EFR3B: variants seen among roughly 807,000 people sequenced by gnomAD.
EFR3B encodes EFR3 homolog B.
In EFR3B, 64 loss-of-function variants were observed where a neutral mutation model predicts 104.7. That is an observed-to-expected ratio of 0.61 (90% CI 0.50 to 0.75). EFR3B has a LOEUF of 0.75. EFR3B is among the 30% of genes least tolerant of loss of function. The pLI, the probability that EFR3B is intolerant of heterozygous loss-of-function variation, is 0.00. For synonymous variants in EFR3B, 385 were observed against 417.9 expected (o/e 0.92, Z 0.96); for missense variants, 750 against 1,078.5 (o/e 0.70, Z 4.27).
Position 25,044,102 on chromosome 2 carries a change from A to AT in EFR3B, c.7+1786dup, listed in dbSNP as rs550141726. ...ATTTTCAGACACATCTCAGGTTTTC[A>AT]TTTCTCTTTTATAATATATTTTTAT... On this transcript the variant is annotated intron_variant, in intron 1 of 22. Coordinates refer to ENST00000403714, the MANE Select transcript of EFR3B (RefSeq NM_014971.2). Among the ~76,000 whole-genome samples, 109 of 152,252 alleles carry AT rather than the reference A, an allele frequency of 7.2e-4. 1 individual carries two copies. The highest frequency in any genetic ancestry group is 2.5e-3 in the African/African-American group (102 of 41,562).
chr2:25,061,851 G>A lies in EFR3B; in HGVS notation c.7+19532G>A, dbSNP rs113201798. Among the ~76,000 whole-genome samples, 63 of 151,950 alleles carry A rather than the reference G, an allele frequency of 4.1e-4. 1 individual carries two copies. Among genetic ancestry groups the A allele is most frequent in the African/African-American group, 1.5e-3 (62 of 41,474 alleles). ...ATGCCACACCAGGGAGCCAGCCTGT[G>A]ATTGTGGATGTACTGGCCCTGAAAG... On this transcript the variant is annotated intron_variant, in intron 1 of 22. Coordinates refer to ENST00000403714, the MANE Select transcript of EFR3B (RefSeq NM_014971.2).
rs533611175 is a variant in EFR3B at position 25,150,300 on chromosome 2, C to CAA, written c.2191+576_2191+577dup. ...GGGTGACAGAGCAAGACTCCCATCT[C>CAA]AAAAAAAAAAAAAAAAAAAGGCAAT... On this transcript the variant is annotated intron_variant, in intron 20 of 22. Transcript: ENST00000403714. 3.7e-4 allele frequency among the ~76,000 whole-genome samples: 23 copies of CAA among 62,712 alleles called. 1 individual carries two copies. Among genetic ancestry groups the CAA allele is most frequent in the Non-Finnish European group, 6.4e-4 (17 of 26,730 alleles). 41.1% of individuals were successfully genotyped at this position (62,712 alleles called of 152,430 possible).
chr2:25,157,562 C>G lies in EFR3B; in HGVS notation c.*3222C>G, dbSNP rs1444773983. 1 of 152,274 alleles carries G rather than the reference C, an allele frequency of 6.6e-6. No homozygotes were observed. Among genetic ancestry groups the G allele is most frequent in the Non-Finnish European group, 1.5e-5 (1 of 68,096 alleles). 9.4% of individuals were successfully genotyped at this position (152,274 alleles called of 1,614,324 possible). A position where few individuals can be genotyped will look rare whatever the true frequency, so the allele number is the denominator to read the frequency against. The stretch of plus-strand genomic sequence containing the variant: ...GAGTCAGTAAGCCCATTGAGACCGG[C>G]TGCTCCCAAAGCCCGAGGACTCTAG... On this transcript the variant is annotated 3_prime_UTR_variant, in exon 23 of 23. Coordinates refer to ENST00000403714, the MANE Select transcript of EFR3B (RefSeq NM_014971.2).
At chr2:25,081,025 C>A (rs1668788344) in intron 1 of EFR3B, 2 of 752,720 alleles carry the variant, frequency 2.7e-6, no homozygotes, top group South Asian at 1.4e-5. Flanking sequence ...GCAGCAACAT[C>A]TGCAATGTTG....
chr2:25,090,990 G>C (rs192185618), intron 1 of EFR3B, among the ~76,000 whole-genome samples: 1 of 152,288 alleles, frequency 6.6e-6, no homozygotes, highest in East Asian at 1.9e-4. Context: ...GGCGGGCGCA[G>C]CACCTGACCT....
intron 1 of EFR3B, among the ~76,000 whole-genome samples, chr2:25,062,993 G>A (rs1041211446): frequency 2.0e-5 from 3 of 151,848 alleles, no homozygotes; most frequent in African/African-American, 4.8e-5. Flanking sequence ...GCGCGACCTC[G>A]GCTCACTGCA....
intron 1 of EFR3B, among the ~76,000 whole-genome samples, chr2:25,090,804 TAAAGAAAGTTAGGGGCAAACGA>T (rs1463485083): frequency 3.9e-5 from 6 of 152,074 alleles, no homozygotes; most frequent in African/African-American, 1.4e-4. Context: ...GAGCAGGGAA[TAAAGAAAGTTAGGGGCAAACGA>T]GGTGGCAGAT....
chr2:25,104,017 T>A, intron 4 of EFR3B, among the ~76,000 whole-genome samples: 1 of 151,636 alleles, frequency 6.6e-6, no homozygotes, highest in South Asian at 2.1e-4. Context: ...AAATAATTTT[T>A]AAAAATAAAA....
intron 1 of EFR3B, chr2:25,057,922 G>C (rs1668069811): frequency 6.6e-6 from 1 of 152,092 alleles, no homozygotes. Context: ...CTGGATAATA[G>C]GTTAACCTCC....
At chr2:25,113,406 C>A (rs902769416) in intron 4 of EFR3B, among the ~76,000 whole-genome samples, 4 of 152,124 alleles carry the variant, frequency 2.6e-5, no homozygotes, top group African/African-American at 9.7e-5. Flanking sequence ...AGTGACCAGG[C>A]CGGGCGCGGG....
At chr2:25,133,521 C>A in intron 12 of EFR3B, 87 bp downstream of exon 12, 1 of 1,325,324 alleles carries the variant, frequency 7.5e-7, no homozygotes, top group South Asian at 1.3e-5. Context: ...CACATACAGT[C>A]GTGCATGTGG....
At chr2:25,139,552 C>A (rs1308230303) in intron 16 of EFR3B, among the ~76,000 whole-genome samples, 3 of 152,170 alleles carry the variant, frequency 2.0e-5, no homozygotes, top group Non-Finnish European at 2.9e-5. Context: ...TCAGATCATG[C>A]AGACTACAGC....
At chr2:25,141,345 C>A in intron 16 of EFR3B, 21 bp from the exon 17 acceptor site, 1 of 1,550,684 alleles carries the variant, frequency 6.4e-7, no homozygotes. Flanking sequence ...CAGCTCTTAT[C>A]TGATTCCTCC....
At chr2:25,089,167 T>G (rs936362933) in intron 1 of EFR3B, among the ~76,000 whole-genome samples, 9 of 152,150 alleles carry the variant, frequency 5.9e-5, no homozygotes, top group Admixed American at 5.2e-4. Context: ...AGAACTGAGT[T>G]GGTGTCCCCA....
At chr2:25,054,091 T>G (rs1045154264) in intron 1 of EFR3B, among the ~76,000 whole-genome samples, 1 of 152,156 alleles carries the variant, frequency 6.6e-6, no homozygotes, top group East Asian at 1.9e-4. Flanking sequence ...AGGCTGGAAT[T>G]GATGGACACG....
intron 2 of EFR3B, 108 bp downstream of exon 2, chr2:25,091,509 C>T (rs1015653678): frequency 1.4e-5 from 14 of 994,610 alleles, no homozygotes; most frequent in Non-Finnish European, 1.2e-5. Flanking sequence ...GGCAGGGCCT[C>T]TCAGGGTCCC....
At chr2:25,117,886 A>G (rs1669905339) in intron 4 of EFR3B, among the ~76,000 whole-genome samples, 1 of 152,046 alleles carries the variant, frequency 6.6e-6, no homozygotes, top group African/African-American at 2.4e-5. Flanking sequence ...CCTTTGACCA[A>G]CGTCTCCCTA....
At chr2:25,054,882 A>G (rs146373367) in intron 1 of EFR3B, among the ~76,000 whole-genome samples, 178 of 152,292 alleles carry the variant, frequency 1.2e-3, no homozygotes, top group African/African-American at 4.2e-3. Flanking sequence ...CAGGTTAGCA[A>G]TCCATGACTG....
chr2:25,145,276 C>G (rs1670784441), intron 19 of EFR3B: 2 of 562,236 alleles, frequency 3.6e-6, no homozygotes, highest in Non-Finnish European at 3.2e-6. Context: ...ATAAAACTCA[C>G]TCTTGAAAGG....
Sources: gnomAD v4.1 joint callset for allele counts (sites outside exome capture counted in the v4.1 genomes callset) on GRCh38, gnomAD v4.1.1 for gene constraint, MANE v1.5 for transcripts, NCBI Gene and HGNC (gene_info 2026-07-23, HGNC 2026-07-21) for gene names.